Variants in NIPSNAP2 observed in about 807,000 individuals in gnomAD.
The protein encoded by NIPSNAP2 is protein NipSnap homolog 2.
Under a neutral mutation model 48.4 loss-of-function variants are expected in NIPSNAP2, and 42 were observed. The ratio of observed to expected loss-of-function variants is 0.87; its 90% CI spans 0.68 to 1.12. The LOEUF (loss-of-function observed/expected upper bound fraction) is 1.12. NIPSNAP2 is among the 50% of genes most tolerant of loss of function. The pLI is 0.00. For missense variants in NIPSNAP2, 314 were observed against 347.3 expected (o/e 0.90, Z 0.76); for synonymous variants, 158 against 126.6 (o/e 1.25, Z -1.67).
chr7:55,993,445 G>C (rs1393070377), intron 7 of NIPSNAP2, among the ~76,000 whole-genome samples: 1 of 152,012 alleles, frequency 6.6e-6, no homozygotes. Context: ...CAGACGTGGT[G>C]GTGGGCGCCT....
intron 7 of NIPSNAP2, among the ~76,000 whole-genome samples, chr7:55,985,588 A>G (rs1299078239): frequency 6.6e-6 from 1 of 151,990 alleles, no homozygotes; most frequent in African/African-American, 2.4e-5. Context: ...AAATAAATAA[A>G]TAAATAAAAC....
chr7:55,979,780 A>G (rs932224118), intron 3 of NIPSNAP2: 5 of 456,530 alleles, frequency 1.1e-5, no homozygotes, highest in African/African-American at 2.0e-5. Context: ...TTTGCAGAAC[A>G]TAAAGACTTA....
At chr7:55,972,724 C>T (rs952909997) in intron 1 of NIPSNAP2, among the ~76,000 whole-genome samples, 3 of 152,134 alleles carry the variant, frequency 2.0e-5, no homozygotes, top group Admixed American at 1.3e-4. Flanking sequence ...CCACTGTGCC[C>T]AGCCCATGAT....
chr7:55,998,932 C>T, intron 9 of NIPSNAP2, 76 bp from the exon 10 acceptor site: 1 of 1,194,104 alleles, frequency 8.4e-7, no homozygotes, highest in Non-Finnish European at 1.3e-6. Context: ...ACATTCTCGG[C>T]AATCTGTCTG....
chr7:55,971,361 G>A (rs935516449), intron 1 of NIPSNAP2, among the ~76,000 whole-genome samples: 1 of 152,174 alleles, frequency 6.6e-6, no homozygotes. Flanking sequence ...TGTGTGTGCT[G>A]TGTTGATTTA....
chr7:55,974,460 C>T (rs946026525), intron 1 of NIPSNAP2, among the ~76,000 whole-genome samples: 5 of 151,904 alleles, frequency 3.3e-5, no homozygotes, highest in Non-Finnish European at 2.9e-5. Context: ...TCCTGGTCCC[C>T]CTTTTTAATA....
chr7:55,964,594 C>T lies in NIPSNAP2; in HGVS notation c.-16C>T, dbSNP rs1477243708. 3 of 1,003,264 alleles carry T rather than the reference C, an allele frequency of 3.0e-6. No homozygotes were observed. The highest frequency in any genetic ancestry group is 3.6e-6 in the Non-Finnish European group (3 of 841,882). 62.1% of individuals were successfully genotyped at this position (1,003,264 alleles called of 1,614,324 possible). A position where few individuals can be genotyped will look rare whatever the true frequency, so the allele number is the denominator to read the frequency against. On this transcript the variant is annotated 5_prime_UTR_variant, in exon 1 of 10. Transcript: ENST00000322090. Reference sequence around the variant, plus strand: ...GCGGCGGCGCCCGGGCGGTGGGAGCCGAGGCGCCGAGCAAGATGGCGGCGC... The same window carrying T: ...GCGGCGGCGCCCGGGCGGTGGGAGCTGAGGCGCCGAGCAAGATGGCGGCGC...
At chr7:55,972,252 G>A (rs1216583252) in intron 1 of NIPSNAP2, among the ~76,000 whole-genome samples, 2 of 151,466 alleles carry the variant, frequency 1.3e-5, no homozygotes, top group African/African-American at 4.8e-5. Flanking sequence ...GTTGCAGTGA[G>A]CTGAGATTGT....
intron 1 of NIPSNAP2, among the ~76,000 whole-genome samples, chr7:55,972,214 G>T (rs1405579499): frequency 2.0e-5 from 3 of 151,764 alleles, no homozygotes; most frequent in Non-Finnish European, 2.9e-5. Context: ...GCTGAGGCAG[G>T]AGAATCACTT....
chr7:55,984,892 T>C lies in NIPSNAP2; in HGVS notation c.617+14T>C. The C allele has an allele frequency of 2.5e-6, 4 of 1,599,276 alleles. No individual in the cohort carries two copies. Among genetic ancestry groups the C allele is most frequent in the Non-Finnish European group, 3.4e-6 (4 of 1,170,886 alleles). On this transcript the variant is annotated intron_variant, in intron 7 of 9. Transcript: ENST00000322090. ...GGGCAATTACTGGTGAGTATATTAC[T>C]GAATGGTGATTTTTTAAGTCTTGTG...
Position 55,984,997 on chromosome 7 carries a change from GT to G in NIPSNAP2, c.617+122del, listed in dbSNP as rs1220596073. The G allele has an allele frequency of 5.7e-6, 4 of 703,270 alleles. No homozygotes were observed. In the African/African-American group the frequency reaches 7.4e-5, roughly 13 times the overall value. 43.6% of individuals were successfully genotyped at this position (703,270 alleles called of 1,614,324 possible). A position where few individuals can be genotyped will look rare whatever the true frequency, so the allele number is the denominator to read the frequency against. The stretch of plus-strand genomic sequence containing the variant: ...TACTGTGACTTAACACTGCACTAAT[GT>G]TTCGTTTGATGTTTTTATTATGAGA... On this transcript the variant is annotated intron_variant, in intron 7 of 9. Coordinates refer to ENST00000322090, the MANE Select transcript of NIPSNAP2 (RefSeq NM_001483.3).
chr7:55,967,462 A>G (rs1786918144), intron 1 of NIPSNAP2, among the ~76,000 whole-genome samples: 1 of 152,048 alleles, frequency 6.6e-6, no homozygotes, highest in African/African-American at 2.4e-5. Context: ...GAAGGGGATG[A>G]CTAAAGAATT....
At chr7:55,987,403 T>C (rs1019459147) in intron 7 of NIPSNAP2, among the ~76,000 whole-genome samples, 1 of 152,082 alleles carries the variant, frequency 6.6e-6, no homozygotes, top group African/African-American at 2.4e-5. Context: ...CAAGGCAGGC[T>C]GGTCACCCGA....
chr7:55,978,152 C>T lies in NIPSNAP2; in HGVS notation c.119C>T (p.Ser40Phe), dbSNP rs1397974398. 4 of 1,614,136 alleles carry T rather than the reference C, an allele frequency of 2.5e-6. No homozygotes were observed. The highest frequency in any genetic ancestry group is 2.7e-5 in the African/African-American group (2 of 75,050). Residue 40 changes from serine to phenylalanine, a missense_variant, in exon 2 of 10, where the codon TCT (serine) becomes TTT (phenylalanine). Physicochemically the swap from Ser to Phe is radical, Grantham distance 155 (BLOSUM62 -2). Transcript: ENST00000322090. ...ACATGGACATCTTCCAGCAACAGATCTCGAGAAGACAGCTGGCTAAAATCC... is the reference window on the plus strand; with the variant it reads ...ACATGGACATCTTCCAGCAACAGATTTCGAGAAGACAGCTGGCTAAAATCC... ...LRTWTSSSNR[S>F]REDSWLKSLF...
chr7:55,971,701 T>A (rs917998271), intron 1 of NIPSNAP2, among the ~76,000 whole-genome samples: 2 of 152,134 alleles, frequency 1.3e-5, no homozygotes, highest in African/African-American at 4.8e-5. Flanking sequence ...TTCTGAGATA[T>A]GAAATAAATG....
At chr7:55,987,009 A>AAG (rs1213806368) in intron 7 of NIPSNAP2, among the ~76,000 whole-genome samples, 2 of 147,832 alleles carry the variant, frequency 1.4e-5, no homozygotes, top group Non-Finnish European at 3.0e-5. Flanking sequence ...AAAAAAAAAA[A>AAG]ACTTGCCAGG....
At chr7:55,981,282 A>T in intron 3 of NIPSNAP2, 191 bp from the exon 4 acceptor site, 1 of 457,874 alleles carries the variant, frequency 2.2e-6, no homozygotes, top group Non-Finnish European at 3.9e-6. Flanking sequence ...TAAGCTTCTG[A>T]TCAGCAGGGT....
At chr7:55,992,828 C>T (rs1787478849) in intron 7 of NIPSNAP2, among the ~76,000 whole-genome samples, 1 of 152,142 alleles carries the variant, frequency 6.6e-6, no homozygotes, top group African/African-American at 2.4e-5. Flanking sequence ...TGTGTCATCT[C>T]CTGATAGACC....
At chr7:55,968,712 A>G (rs995517340) in intron 1 of NIPSNAP2, among the ~76,000 whole-genome samples, 1 of 152,064 alleles carries the variant, frequency 6.6e-6, no homozygotes, top group Non-Finnish European at 1.5e-5. Flanking sequence ...CTACTTTCAA[A>G]TGGTTCAGTA....
Sources: allele counts gnomAD v4.1 joint callset (sites outside exome capture counted in the v4.1 genomes callset), GRCh38; gene constraint gnomAD v4.1.1; transcripts MANE v1.5; gene names NCBI Gene and HGNC (gene_info 2026-07-23, HGNC 2026-07-21).